Variants in FRMD4B observed in about 807,000 individuals in gnomAD.
FRMD4B encodes FERM domain-containing protein 4B.
FRMD4B carries 74 observed loss-of-function variants against 141.5 expected under a neutral mutation model. The observed-to-expected ratio is 0.52, with a 90% CI of 0.43 to 0.63. The LOEUF is 0.63. Among genes scored for constraint, FRMD4B ranks in the 30% least tolerant of loss-of-function variants. The probability of loss-of-function intolerance (pLI) is 0.00; values close to 1 mark genes in which losing one functional copy is unlikely to be tolerated. For synonymous variants in FRMD4B, 506 were observed against 467.9 expected (o/e 1.08, Z -1.05); for missense variants, 1,366 against 1,253.4 (o/e 1.09, Z -1.36).
intron 1 of FRMD4B, among the ~76,000 whole-genome samples, chr3:69,373,542 C>G (rs980210842): frequency 2.0e-5 from 3 of 152,132 alleles, no homozygotes; most frequent in Non-Finnish European, 2.9e-5. Context: ...ACAAAATGCT[C>G]AGCACTGTGT....
At chr3:69,370,133 T>G (rs1211383373) in intron 1 of FRMD4B, among the ~76,000 whole-genome samples, 1 of 150,760 alleles carries the variant, frequency 6.6e-6, no homozygotes, top group Admixed American at 6.6e-5. Context: ...TTTCTTTTGC[T>G]CCTAAGAATC....
intron 11 of FRMD4B, among the ~76,000 whole-genome samples, chr3:69,207,166 A>G (rs960191019): frequency 6.6e-6 from 1 of 152,124 alleles, no homozygotes; most frequent in Non-Finnish European, 1.5e-5. Context: ...TTAGTGGGAC[A>G]CAATGGCACA....
intron 2 of FRMD4B, among the ~76,000 whole-genome samples, chr3:69,413,232 G>A (rs984239079): frequency 3.9e-5 from 6 of 152,088 alleles, no homozygotes; most frequent in Non-Finnish European, 7.4e-5. Flanking sequence ...GAGCATGAAT[G>A]AGCCAAGTGC....
At chr3:69,200,424 G>T (rs1295513731) in intron 11 of FRMD4B, 2 of 997,110 alleles carry the variant, frequency 2.0e-6, no homozygotes, top group African/African-American at 1.7e-5. Flanking sequence ...AAATCCAGAG[G>T]TTCCAAAAAT....
intron 1 of FRMD4B, among the ~76,000 whole-genome samples, chr3:69,502,014 A>T (rs1384598729): frequency 6.6e-6 from 1 of 152,104 alleles, no homozygotes; most frequent in Non-Finnish European, 1.5e-5. Flanking sequence ...ACAAACCACC[A>T]CTCAATGAAA....
intron 2 of FRMD4B, among the ~76,000 whole-genome samples, chr3:69,416,334 A>G (rs1487956193): frequency 6.6e-6 from 1 of 152,182 alleles, no homozygotes; most frequent in Non-Finnish European, 1.5e-5. Context: ...TGCAATGGCT[A>G]TTCACAGGCA....
chr3:69,188,223 A>G (rs1373248628), intron 18 of FRMD4B, among the ~76,000 whole-genome samples: 1 of 152,208 alleles, frequency 6.6e-6, no homozygotes, highest in Non-Finnish European at 1.5e-5. Context: ...TTAAAAAGCT[A>G]TATTAAAGAA....
chr3:69,332,675 C>G (rs1053168425), intron 1 of FRMD4B, among the ~76,000 whole-genome samples: 3 of 151,334 alleles, frequency 2.0e-5, no homozygotes, highest in African/African-American at 7.3e-5. Context: ...CGCCTGAGCT[C>G]AAATGATCTT....
chr3:69,469,173 T>A (rs1705845254), intron 1 of FRMD4B, among the ~76,000 whole-genome samples: 1 of 152,176 alleles, frequency 6.6e-6, no homozygotes, highest in Non-Finnish European at 1.5e-5. Flanking sequence ...TAGTTGTTAT[T>A]CTGGGTGGCC....
chr3:69,478,142 T>A (rs1315495752), intron 1 of FRMD4B, among the ~76,000 whole-genome samples: 1 of 152,234 alleles, frequency 6.6e-6, no homozygotes, highest in Non-Finnish European at 1.5e-5. Flanking sequence ...CTGTTGATCC[T>A]TTCAAAAAAC....
chr3:69,391,222 CATTT>C (rs913748565), intron 2 of FRMD4B, among the ~76,000 whole-genome samples: 6 of 150,648 alleles, frequency 4.0e-5, no homozygotes, highest in African/African-American at 9.8e-5. Flanking sequence ...TGTTTCATTT[CATTT>C]ATTTATTATT....
chr3:69,346,475 A>T (rs1260950706), intron 1 of FRMD4B, among the ~76,000 whole-genome samples: 2 of 152,196 alleles, frequency 1.3e-5, no homozygotes, highest in Non-Finnish European at 2.9e-5. Flanking sequence ...CAGGAAATAC[A>T]GAGAATGCCA....
Position 69,169,339 on chromosome 3 carries a change from A to G in FRMD4B, c.*2522T>C, listed in dbSNP as rs1317344158. Among the ~76,000 whole-genome samples the G allele has an allele frequency of 3.6e-5, 5 of 139,104 alleles. No homozygotes were observed. The highest frequency in any genetic ancestry group is 6.1e-5 in the Non-Finnish European group (4 of 66,078). 91.3% of individuals were successfully genotyped at this position (139,104 alleles called of 152,430 possible). A position where few individuals can be genotyped will look rare whatever the true frequency, so the allele number is the denominator to read the frequency against. On this transcript the variant is annotated 3_prime_UTR_variant, in exon 23 of 23. Transcript: ENST00000398540. Reference sequence around the variant, plus strand: ...GAAAACCGTGCAGTAGGATTGCTGAACTTCCATTTCTTTCTTTTTTTTTTT... The same window carrying G: ...GAAAACCGTGCAGTAGGATTGCTGAGCTTCCATTTCTTTCTTTTTTTTTTT...
At chr3:69,473,292 T>A (rs1388656114) in intron 1 of FRMD4B, among the ~76,000 whole-genome samples, 1 of 152,120 alleles carries the variant, frequency 6.6e-6, no homozygotes, top group Non-Finnish European at 1.5e-5. Context: ...CAATCTTCTA[T>A]CCAGCTGATG....
At position 69,182,499 on chromosome 3, in the gene FRMD4B, AGAAAGTCACTT is replaced by A. The variant is rs2092717954; in HGVS notation, c.2039+88_2039+98del. 8 of 1,160,852 alleles carry A rather than the reference AGAAAGTCACTT, an allele frequency of 6.9e-6. No individual in the cohort carries two copies. In the East Asian group the frequency reaches 2.1e-4, roughly 30 times the overall value. The allele number at this position is 1,160,852 out of a possible 1,614,324, so 71.9% of individuals were successfully genotyped here. A position where few individuals can be genotyped will look rare whatever the true frequency, so the allele number is the denominator to read the frequency against. On this transcript the variant is annotated intron_variant, in intron 20 of 22. Transcript: ENST00000398540. ...AAACCATAAAACAAGGTCCTGCTAC[AGAAAGTCACTT>A]GAAATGATTAAAAAACACAATAAAG... is the stretch of plus-strand genomic sequence containing the variant.
intron 1 of FRMD4B, among the ~76,000 whole-genome samples, chr3:69,496,612 T>TGAGAGAGAGAGA (rs142597397): frequency 2.3e-5 from 2 of 88,152 alleles, no homozygotes; most frequent in African/African-American, 9.6e-5. Flanking sequence ...AGAGAGAGAG[T>TGAGAGAGAGAGA]GAGAGAGAGA....
chr3:69,463,197 C>A (rs1175175475), intron 1 of FRMD4B, among the ~76,000 whole-genome samples: 1 of 152,240 alleles, frequency 6.6e-6, no homozygotes, highest in Admixed American at 6.5e-5. Context: ...ATCCACTCTT[C>A]TCACATTCCT....
At chr3:69,382,117 G>A (rs1704133450) in intron 1 of FRMD4B, among the ~76,000 whole-genome samples, 1 of 152,158 alleles carries the variant, frequency 6.6e-6, no homozygotes, top group African/African-American at 2.4e-5. Flanking sequence ...ATGGCTTACT[G>A]CAAACTCCAT....
chr3:69,329,516 ATTTT>A lies in FRMD4B; in HGVS notation c.163-16003_163-16000del, dbSNP rs10554375. 9.9e-3 allele frequency among the ~76,000 whole-genome samples: 550 copies of A among 55,592 alleles called. 10 individuals carry two copies. The highest frequency in any genetic ancestry group is 0.031 in the African/African-American group (531 of 17,108). The allele number at this position is 55,592 out of a possible 152,430, so 36.5% of individuals were successfully genotyped here. On this transcript the variant is annotated intron_variant, in intron 1 of 22. Coordinates refer to ENST00000398540, the MANE Select transcript of FRMD4B (RefSeq NM_015123.3). ...AGGCATGCACCACCATGCCCAGCTA[ATTTT>A]TTTTTTTTTTTTTTTTTTTTTTTTT...
Sources: gnomAD v4.1 joint callset for allele counts (sites outside exome capture counted in the v4.1 genomes callset) on GRCh38, gnomAD v4.1.1 for gene constraint, MANE v1.5 for transcripts, NCBI Gene and HGNC (gene_info 2026-07-23, HGNC 2026-07-21) for gene names.